LOC122539214: variants seen among roughly 807,000 people sequenced by gnomAD.
At chr19:52,679,487 T>A in the LOC122539214 span, among the ~76,000 whole-genome samples, 1 of 152,130 alleles carries the variant, frequency 6.6e-6, no homozygotes, top group African/African-American at 2.4e-5. Context: ...GGAGCATGCT[T>A]ATAAGCCCTG....
chr19:52,662,981 G>A, the LOC122539214 span, among the ~76,000 whole-genome samples: 38,508 of 151,864 alleles, frequency 0.25, 5,144 homozygotes, highest in Middle Eastern at 0.35. Context: ...TGGGCAACAC[G>A]GTGAAATCCC....
the LOC122539214 span, among the ~76,000 whole-genome samples, chr19:52,680,771 C>T: frequency 6.9e-6 from 1 of 145,714 alleles, no homozygotes; most frequent in Non-Finnish European, 1.5e-5. Flanking sequence ...CGCCACTACG[C>T]CCGGCTAATT....
the LOC122539214 span, among the ~76,000 whole-genome samples, chr19:52,686,808 C>G: frequency 0.7 from 105,888 of 151,852 alleles, 38,359 homozygotes; most frequent in African/African-American, 0.91. Context: ...CCTGACCTTA[C>G]GTGATTCTCT....
the LOC122539214 span, among the ~76,000 whole-genome samples, chr19:52,684,038 A>G: frequency 1.3e-5 from 2 of 152,126 alleles, no homozygotes; most frequent in Admixed American, 1.3e-4. Flanking sequence ...GTTTGAGATT[A>G]GCCATGCCAA....
chr19:52,654,111 A>G, the LOC122539214 span: 3 of 1,605,314 alleles, frequency 1.9e-6, no homozygotes, highest in Non-Finnish European at 2.6e-6. Flanking sequence ...GCAGATGTGA[A>G]TAAAAGCTTG....
the LOC122539214 span, chr19:52,652,916 G>A: frequency 8.8e-7 from 1 of 1,141,338 alleles, no homozygotes; most frequent in Non-Finnish European, 1.3e-6. Flanking sequence ...CCACTATGAA[G>A]TCTATAATGG....
chr19:52,653,934 T>G, the LOC122539214 span: 1 of 1,097,724 alleles, frequency 9.1e-7, no homozygotes, highest in Non-Finnish European at 1.4e-6. Context: ...CTTCCTGGAT[T>G]TGTGTCAATA....
At chr19:52,661,141 G>C in the LOC122539214 span, among the ~76,000 whole-genome samples, 1 of 152,078 alleles carries the variant, frequency 6.6e-6, no homozygotes, top group African/African-American at 2.4e-5. Flanking sequence ...ATGATTACAG[G>C]GGTAAACCAC....
the LOC122539214 span, chr19:52,652,817 T>C: frequency 1.8e-5 from 17 of 921,184 alleles, 1 homozygote; most frequent in Middle Eastern, 1.1e-3. Flanking sequence ...TTATAAGGAT[T>C]TTCTCCAGTA....
At chr19:52,661,861 C>G in the LOC122539214 span, among the ~76,000 whole-genome samples, 12 of 152,174 alleles carry the variant, frequency 7.9e-5, 1 homozygote, top group Non-Finnish European at 1.5e-5. Flanking sequence ...AGTGATGTCA[C>G]AACAAAGACT....
chr19:52,671,507 GA>G, the LOC122539214 span, among the ~76,000 whole-genome samples: 1 of 151,918 alleles, frequency 6.6e-6, no homozygotes, highest in South Asian at 2.1e-4. Context: ...GCAGTGGCAG[GA>G]ACACTGCTCC....
At chr19:52,688,332 G>A in the LOC122539214 span, among the ~76,000 whole-genome samples, 58 of 149,584 alleles carry the variant, frequency 3.9e-4, no homozygotes, top group African/African-American at 1.0e-3. Context: ...CATCATACCC[G>A]ATTAATTTTT....
At chr19:52,658,738 T>A in the LOC122539214 span, among the ~76,000 whole-genome samples, 4 of 152,164 alleles carry the variant, frequency 2.6e-5, no homozygotes, top group Non-Finnish European at 4.4e-5. Context: ...CAATAGAGGC[T>A]TCCCCAGTTA....
At chr19:52,688,437 G>T in the LOC122539214 span, among the ~76,000 whole-genome samples, 1 of 151,480 alleles carries the variant, frequency 6.6e-6, no homozygotes, top group Admixed American at 6.6e-5. Flanking sequence ...GTCTTCTAAA[G>T]TTCTGGGATT....
the LOC122539214 span, among the ~76,000 whole-genome samples, chr19:52,686,459 C>CATATATAT: frequency 6.3e-5 from 9 of 143,128 alleles, no homozygotes; most frequent in South Asian, 2.2e-4. Context: ...AAAAAAATTA[C>CATATATAT]ATATATATAT....
chr19:52,689,952 A>G, the LOC122539214 span, among the ~76,000 whole-genome samples: 1 of 152,150 alleles, frequency 6.6e-6, no homozygotes. Flanking sequence ...GGGGAGCAGC[A>G]GGGCCCGGCA....
At chr19:52,666,262 A>T in the LOC122539214 span, among the ~76,000 whole-genome samples, 1 of 152,020 alleles carries the variant, frequency 6.6e-6, no homozygotes, top group African/African-American at 2.4e-5. Context: ...AAAGAGACAG[A>T]GAGTCAGAAA....
chr19:52,663,728 A>C, the LOC122539214 span, among the ~76,000 whole-genome samples: 1 of 152,260 alleles, frequency 6.6e-6, no homozygotes. Context: ...TGAACACAAT[A>C]AATTTCAGAG....
the LOC122539214 span, among the ~76,000 whole-genome samples, chr19:52,688,359 G>A: frequency 6.7e-6 from 1 of 150,008 alleles, no homozygotes; most frequent in Non-Finnish European, 1.5e-5. Context: ...TTTTGGCAGA[G>A]ATAAGGATCT....
Sources: allele counts gnomAD v4.1 joint callset (sites outside exome capture counted in the v4.1 genomes callset), GRCh38; gene constraint gnomAD v4.1.1; transcripts MANE v1.5.